LRP1B: variants seen among roughly 807,000 people sequenced by gnomAD.
LRP1B encodes LDL receptor related protein 1B, also known as low-density lipoprotein receptor-related protein 1B.
LRP1B carries 217 observed loss-of-function variants against 556.6 expected under a neutral mutation model. The observed-to-expected ratio is 0.39, with a 90% confidence interval of 0.35 to 0.44. The LOEUF (loss-of-function observed/expected upper bound fraction) is 0.44, where lower values mean the gene tolerates loss of function less well. Ranked by LOEUF, LRP1B falls within the 20% of genes least tolerant of loss-of-function variation. The pLI, the probability that LRP1B is intolerant of heterozygous loss-of-function variation, is 1.00. For missense variants in LRP1B, 5,053 were observed against 5,620.8 expected (o/e 0.90, Z 3.23); for synonymous variants, 2,047 against 1,865.8 (o/e 1.10, Z -2.50).
intron 1 of LRP1B, among the ~76,000 whole-genome samples, chr2:142,098,447 T>C (rs1325816308): frequency 6.6e-6 from 1 of 151,836 alleles, no homozygotes. Flanking sequence ...TAGATATTAC[T>C]GGAAACTGTC....
intron 2 of LRP1B, among the ~76,000 whole-genome samples, chr2:141,709,964 T>C (rs1692297769): frequency 1.3e-5 from 2 of 152,088 alleles, no homozygotes; most frequent in Admixed American, 6.6e-5. Context: ...TTTCTTGGTG[T>C]CCTCACATGG....
chr2:141,681,457 G>A (rs1270373883), intron 2 of LRP1B, among the ~76,000 whole-genome samples: 1 of 151,774 alleles, frequency 6.6e-6, no homozygotes, highest in Non-Finnish European at 1.5e-5. Flanking sequence ...GATAAAAAAA[G>A]TCAATTTTCA....
intron 11 of LRP1B, among the ~76,000 whole-genome samples, chr2:141,043,106 G>A (rs1698753537): frequency 6.6e-6 from 1 of 151,230 alleles, no homozygotes; most frequent in South Asian, 2.1e-4. Context: ...GAGGGGCTGA[G>A]GAGGGAAGAT....
At chr2:141,691,700 T>C (rs372721277) in intron 2 of LRP1B, among the ~76,000 whole-genome samples, 3 of 151,986 alleles carry the variant, frequency 2.0e-5, no homozygotes, top group African/African-American at 4.8e-5. Context: ...CCTGTATGTA[T>C]GATTTCAGTT....
intron 43 of LRP1B, among the ~76,000 whole-genome samples, chr2:140,553,688 A>C (rs974714672): frequency 1.3e-5 from 2 of 152,020 alleles, no homozygotes; most frequent in South Asian, 4.1e-4. Flanking sequence ...GGAGGGCTGA[A>C]TCAAGGGACT....
At chr2:141,786,389 T>C (rs1222927814) in intron 2 of LRP1B, among the ~76,000 whole-genome samples, 3 of 151,960 alleles carry the variant, frequency 2.0e-5, no homozygotes, top group Non-Finnish European at 4.4e-5. Context: ...ATATATTCTG[T>C]ACTTGTTTGT....
chr2:141,801,595 C>A (rs570876001), intron 2 of LRP1B, among the ~76,000 whole-genome samples: 1 of 152,276 alleles, frequency 6.6e-6, no homozygotes, highest in African/African-American at 2.4e-5. Flanking sequence ...TCTATCAATA[C>A]TTGAAAAAGA....
At chr2:141,599,048 C>CA (rs1559166903) in intron 2 of LRP1B, among the ~76,000 whole-genome samples, 1 of 39,450 alleles carries the variant, frequency 2.5e-5, no homozygotes, top group African/African-American at 1.6e-4. Flanking sequence ...GTTCAACTCC[C>CA]CCCCGCCCCC....
chr2:141,186,850 T>G (rs1681280301), intron 7 of LRP1B, among the ~76,000 whole-genome samples: 1 of 152,052 alleles, frequency 6.6e-6, no homozygotes, highest in Non-Finnish European at 1.5e-5. Flanking sequence ...TATTTCAGAT[T>G]GGCAGTTTTA....
chr2:141,570,789 G>A (rs928122181), intron 2 of LRP1B, among the ~76,000 whole-genome samples: 2 of 151,378 alleles, frequency 1.3e-5, no homozygotes, highest in African/African-American at 4.8e-5. Flanking sequence ...GTGGTAATCT[G>A]CAGCCAGAGT....
At chr2:141,611,481 C>T (rs1688106432) in intron 2 of LRP1B, among the ~76,000 whole-genome samples, 1 of 152,108 alleles carries the variant, frequency 6.6e-6, no homozygotes, top group Non-Finnish European at 1.5e-5. Context: ...TTCCTCTCTT[C>T]CCAACAGTAT....
At chr2:141,867,654 A>AG (rs1209499859) in intron 1 of LRP1B, among the ~76,000 whole-genome samples, 4 of 152,180 alleles carry the variant, frequency 2.6e-5, no homozygotes, top group African/African-American at 9.7e-5. Flanking sequence ...ATTGCCTCTT[A>AG]GTTATCTTAT....
chr2:140,709,221 G>A (rs897804126), intron 37 of LRP1B, among the ~76,000 whole-genome samples: 6 of 151,946 alleles, frequency 3.9e-5, no homozygotes, highest in Non-Finnish European at 7.4e-5. Flanking sequence ...TGCTTAAAAG[G>A]AAATAAAATT....
chr2:141,272,805 C>T (rs1384993916), intron 3 of LRP1B, among the ~76,000 whole-genome samples: 3 of 152,010 alleles, frequency 2.0e-5, no homozygotes, highest in South Asian at 2.1e-4. Flanking sequence ...AAAATAGACT[C>T]ACAAAATATA....
chr2:142,017,732 A>G (rs1574599103), intron 1 of LRP1B, among the ~76,000 whole-genome samples: 1 of 152,054 alleles, frequency 6.6e-6, no homozygotes, highest in Admixed American at 6.6e-5. Context: ...TAAAAGTTTT[A>G]AAAACTTAGC....
intron 47 of LRP1B, among the ~76,000 whole-genome samples, chr2:140,533,373 A>G (rs544020435): frequency 1.3e-5 from 2 of 152,078 alleles, no homozygotes; most frequent in Non-Finnish European, 2.9e-5. Flanking sequence ...GTGATATCCA[A>G]ATTTAGACAG....
intron 60 of LRP1B, among the ~76,000 whole-genome samples, chr2:140,466,086 G>A (rs1376580458): frequency 6.7e-6 from 1 of 150,332 alleles, no homozygotes; most frequent in Non-Finnish European, 1.5e-5. Context: ...CAGGTCGGGG[G>A]GTGGGAAGTA....
At chr2:142,115,501 TATATATTATATATTACATATATAA>T in intron 1 of LRP1B, among the ~76,000 whole-genome samples, 1 of 94,300 alleles carries the variant, frequency 1.1e-5, no homozygotes, top group Non-Finnish European at 2.1e-5. Context: ...TTATATATAA[TATATATTATATATTACATATATAA>T]TATATATATT....
At position 141,211,279 on chromosome 2, in the gene LRP1B, T is replaced by C. The variant is rs376761995; in HGVS notation, c.850+17904A>G. On this transcript the variant is annotated intron_variant, in intron 6 of 90. Coordinates refer to ENST00000389484, the MANE Select transcript of LRP1B (RefSeq NM_018557.3). ...CTGGGATTATAAGCATGAGACACCA[T>C]GCCCAGCCCATTTTTCTTTTTTTTT... Among the ~76,000 whole-genome samples, 10 of 147,762 alleles carry C rather than the reference T, an allele frequency of 6.8e-5. 1 individual carries two copies. The highest frequency in any genetic ancestry group is 4.1e-4 in the Admixed American group (6 of 14,802).
Sources: gnomAD v4.1 joint callset for allele counts (sites outside exome capture counted in the v4.1 genomes callset) on GRCh38, gnomAD v4.1.1 for gene constraint, MANE v1.5 for transcripts, NCBI Gene and HGNC (gene_info 2026-07-23, HGNC 2026-07-21) for gene names.